Variants in C13orf46 observed in about 807,000 individuals in gnomAD.
The protein encoded by C13orf46 is chromosome 13 open reading frame 46, also known as uncharacterized protein C13orf46.
the C13orf46 span, among the ~76,000 whole-genome samples, chr13:113,935,015 T>C: frequency 6.6e-6 from 1 of 152,202 alleles, no homozygotes; most frequent in African/African-American, 2.4e-5. Flanking sequence ...CTTCTTCCCT[T>C]CCATTCCCAC....
At chr13:113,948,303 G>T in the C13orf46 span, among the ~76,000 whole-genome samples, 1 of 152,218 alleles carries the variant, frequency 6.6e-6, no homozygotes, top group Non-Finnish European at 1.5e-5. Flanking sequence ...CCCAGTGACT[G>T]GGGAGGCACA....
At chr13:113,948,260 C>T in the C13orf46 span, among the ~76,000 whole-genome samples, 6 of 152,238 alleles carry the variant, frequency 3.9e-5, no homozygotes, top group Admixed American at 2.0e-4. Context: ...AAGGGACCAA[C>T]GTCTGCCTGG....
At chr13:113,942,507 T>C in the C13orf46 span, among the ~76,000 whole-genome samples, 3 of 152,060 alleles carry the variant, frequency 2.0e-5, no homozygotes, top group African/African-American at 7.2e-5. Context: ...CCTGGACCTG[T>C]AGTTGGACAC....
At chr13:113,931,193 A>C in the C13orf46 span, among the ~76,000 whole-genome samples, 1 of 152,306 alleles carries the variant, frequency 6.6e-6, no homozygotes, top group Admixed American at 6.5e-5. Context: ...GGTAACCCCA[A>C]TGCTGGTTTA....
chr13:113,955,009 G>GGAGGA lies in C13orf46; in HGVS notation c.*1763_*1764insTCCTC, dbSNP rs1361178871. The GGAGGA allele has an allele frequency of 0.023, 2,713 of 117,556 alleles. 139 individuals are homozygous for GGAGGA. The highest frequency in any genetic ancestry group is 0.078 in the African/African-American group (2,555 of 32,828). The allele number at this position is 117,556 out of a possible 1,614,324, so 7.3% of individuals were successfully genotyped here. On this transcript the variant is annotated 3_prime_UTR_variant, in exon 7 of 7. Coordinates refer to ENST00000636427, the MANE Select transcript of C13orf46 (RefSeq NM_001365455.2). Reference sequence around the variant, plus strand: ...GAGGAGGATCTGGCAGAGAGGAGGAGTAGGATCTGGCGGAGAGGAGGAGTA... The same window carrying GGAGGA: ...GAGGAGGATCTGGCAGAGAGGAGGAGGAGGATAGGATCTGGCGGAGAGGAGGAGTA...
At chr13:113,965,737 GTGATGATGGTGATGA>G (rs2052631036) in intron 5 of C13orf46, among the ~76,000 whole-genome samples, 1 of 71,170 alleles carries the variant, frequency 1.4e-5, no homozygotes, top group Admixed American at 1.3e-4. Flanking sequence ...GATGGTGAAG[GTGATGATGGTGATGA>G]TGGTGATGGT....
At chr13:113,940,312 G>A in the C13orf46 span, among the ~76,000 whole-genome samples, 1 of 152,262 alleles carries the variant, frequency 6.6e-6, no homozygotes, top group African/African-American at 2.4e-5. Context: ...CCCCAGATGA[G>A]CCAGCCTGCA....
downstream of C13orf46, among the ~76,000 whole-genome samples, chr13:113,952,946 G>A (rs1023260496): frequency 1.3e-5 from 2 of 152,122 alleles, no homozygotes; most frequent in East Asian, 1.9e-4. Flanking sequence ...AGCTGCTCTC[G>A]GGCTCTGCGG....
rs1263690381 is a variant in C13orf46 at position 113,955,615 on chromosome 13, C to T, written c.*1158G>A. 1.7e-4 allele frequency: 16 copies of T among 92,332 alleles called. 1 individual carries two copies. Among genetic ancestry groups the T allele is most frequent in the African/African-American group, 4.0e-4 (10 of 24,916 alleles). The allele number at this position is 92,332 out of a possible 1,614,324, so 5.7% of individuals were successfully genotyped here. On this transcript the variant is annotated 3_prime_UTR_variant, in exon 7 of 7. Transcript: ENST00000636427. ...GGAGCGGAGGAGCATCTGGCAGAGA[C>T]GAGGAGTAGTGTCTGGCGGAGACGA...
At chr13:113,929,901 C>T in the C13orf46 span, among the ~76,000 whole-genome samples, 1 of 152,364 alleles carries the variant, frequency 6.6e-6, no homozygotes, top group South Asian at 2.1e-4. Context: ...GCCTACGACA[C>T]TGTCCTCAGG....
chr13:113,945,549 GA>G, the C13orf46 span, among the ~76,000 whole-genome samples: 19 of 86,446 alleles, frequency 2.2e-4, no homozygotes, highest in African/African-American at 7.6e-4. Flanking sequence ...GAGAAAGAAA[GA>G]AAGAAAGAAA....
At chr13:113,959,347 T>G (rs1468107929) in intron 6 of C13orf46, among the ~76,000 whole-genome samples, 1 of 152,114 alleles carries the variant, frequency 6.6e-6, no homozygotes, top group African/African-American at 2.4e-5. Flanking sequence ...GGCTGCATGA[T>G]TGGCTAGGAT....
Position 113,954,138 on chromosome 13 carries a change from C to A in C13orf46, c.*2635G>T, listed in dbSNP as rs1272530377. 6.6e-6 allele frequency: 1 copy of A among 152,260 alleles called. No homozygotes were observed. Among genetic ancestry groups the A allele is most frequent in the African/African-American group, 2.4e-5 (1 of 41,454 alleles). 9.4% of individuals were successfully genotyped at this position (152,260 alleles called of 1,614,324 possible). ...CCCTGGCTGAGTGATGGGCAGAGCTCACCCTCTGGGAGCCTCTGCATTATC... is the reference window on the plus strand; with the variant it reads ...CCCTGGCTGAGTGATGGGCAGAGCTAACCCTCTGGGAGCCTCTGCATTATC... On this transcript the variant is annotated 3_prime_UTR_variant, in exon 7 of 7. Coordinates refer to ENST00000636427, the MANE Select transcript of C13orf46 (RefSeq NM_001365455.2).
At chr13:113,942,737 T>C in the C13orf46 span, among the ~76,000 whole-genome samples, 1 of 152,176 alleles carries the variant, frequency 6.6e-6, no homozygotes, top group African/African-American at 2.4e-5. Context: ...TAGGAACCCC[T>C]GGGCCAGCGG....
At chr13:113,968,101 CA>C (rs1210635911) in intron 4 of C13orf46, among the ~76,000 whole-genome samples, 2 of 152,220 alleles carry the variant, frequency 1.3e-5, no homozygotes, top group African/African-American at 4.8e-5. Context: ...CACTTTCCTT[CA>C]CACGGTGCCA....
chr13:113,946,036 G>A, the C13orf46 span, among the ~76,000 whole-genome samples: 96 of 152,338 alleles, frequency 6.3e-4, 5 homozygotes, highest in South Asian at 0.018. Context: ...TAAACCCACC[G>A]CTGCCCGTTC....
chr13:113,969,870 G>T (rs2052685829), intron 2 of C13orf46, among the ~76,000 whole-genome samples: 1 of 152,144 alleles, frequency 6.6e-6, no homozygotes, highest in East Asian at 1.9e-4. Context: ...GGGCCATGGG[G>T]TGTCTACTGA....
At chr13:113,935,240 GC>G in the C13orf46 span, among the ~76,000 whole-genome samples, 8 of 152,352 alleles carry the variant, frequency 5.3e-5, no homozygotes, top group East Asian at 9.6e-4. Context: ...CAGTGACTCG[GC>G]CCCCGGCGCC....
the C13orf46 span, among the ~76,000 whole-genome samples, chr13:113,944,439 G>A: frequency 1.9e-3 from 290 of 152,342 alleles, 3 homozygotes; most frequent in African/African-American, 6.8e-3. Context: ...TGGGGAGAAA[G>A]GTCCTCCTTA....
Sources: gnomAD v4.1 joint callset for allele counts (sites outside exome capture counted in the v4.1 genomes callset) on GRCh38, gnomAD v4.1.1 for gene constraint, MANE v1.5 for transcripts, NCBI Gene and HGNC (gene_info 2026-07-23, HGNC 2026-07-21) for gene names.